KSR1: variants seen among roughly 807,000 people sequenced by gnomAD.
The protein encoded by KSR1 is kinase suppressor of ras 1.
Under a neutral mutation model 92.9 loss-of-function variants are expected in KSR1, and 35 were observed. That is an observed-to-expected ratio of 0.38 (90% CI 0.29 to 0.50). The LOEUF is 0.50. Ranked by LOEUF, KSR1 falls within the 20% of genes least tolerant of loss-of-function variation. The probability of loss-of-function intolerance (pLI) is 0.94; values close to 1 mark genes in which losing one functional copy is unlikely to be tolerated. For synonymous variants in KSR1, 467 were observed against 472.6 expected, an observed-to-expected ratio of 0.99 and a Z score of 0.15; for missense variants, 972 against 1,158.5, an observed-to-expected ratio of 0.84 and a Z score of 2.34.
chr17:27,607,813 T>C, intron 14 of KSR1, 101 bp from the exon 15 acceptor site: 1 of 840,994 alleles, frequency 1.2e-6, no homozygotes. Flanking sequence ...GAGAGAGTCC[T>C]TGCAGGCAGA....
At position 27,611,377 on chromosome 17, in the gene KSR1, G is replaced by A; in HGVS notation, c.2358-117G>A. The A allele has an allele frequency of 3.0e-6, 4 of 1,355,332 alleles. 1 individual carries two copies. The highest frequency in any genetic ancestry group is 4.2e-4 in the Middle Eastern group (2 of 4,740). 84.0% of individuals were successfully genotyped at this position (1,355,332 alleles called of 1,614,324 possible). On this transcript the variant is annotated intron_variant, in intron 17 of 20. Transcript: ENST00000644974. ...CTGTAGCATCCCCTGAAGCCAAGTG[G>A]GTGAGGAAGGCTGGAGAAGGGTCCT... is the stretch of plus-strand genomic sequence containing the variant.
At chr17:27,603,435 C>T (rs574922102) in intron 11 of KSR1, among the ~76,000 whole-genome samples, 74 of 152,378 alleles carry the variant, frequency 4.9e-4, no homozygotes, top group African/African-American at 1.7e-3. Context: ...TTGCAAGCAG[C>T]CCCTGCTTCC....
chr17:27,584,417 G>A (rs1057495905), intron 4 of KSR1, among the ~76,000 whole-genome samples: 35 of 152,278 alleles, frequency 2.3e-4, no homozygotes, highest in Middle Eastern at 3.4e-3. Flanking sequence ...AGGTGTCACC[G>A]ACCCTGCTGC....
intron 1 of KSR1, among the ~76,000 whole-genome samples, chr17:27,503,635 G>A (rs557364072): frequency 1.1e-4 from 16 of 152,306 alleles, no homozygotes; most frequent in Admixed American, 5.9e-4. Flanking sequence ...TACTGAGCAC[G>A]TGGAAGCATT....
intron 1 of KSR1, among the ~76,000 whole-genome samples, chr17:27,540,401 C>T (rs774865427): frequency 6.6e-6 from 1 of 152,346 alleles, no homozygotes; most frequent in African/African-American, 2.4e-5. Flanking sequence ...TGGCCGTTCT[C>T]ACCCCTGGCC....
rs974298202 is a variant in KSR1 at position 27,561,482 on chromosome 17, T to G, written c.372+10774T>G. Reference sequence around the variant, plus strand: ...CTGTCCTGGATGCTTACAGCTAGTGTGATGCACACGTCTGCAAATAACTAG... The same window carrying G: ...CTGTCCTGGATGCTTACAGCTAGTGGGATGCACACGTCTGCAAATAACTAG... On this transcript the variant is annotated intron_variant, in intron 2 of 20. Coordinates refer to ENST00000644974, the MANE Select transcript of KSR1 (RefSeq NM_001394583.1). Among the ~76,000 whole-genome samples, 6 of 152,308 alleles carry G rather than the reference T, an allele frequency of 3.9e-5. 1 individual carries two copies. The highest frequency in any genetic ancestry group is 3.3e-4 in the Admixed American group (5 of 15,300).
intron 1 of KSR1, among the ~76,000 whole-genome samples, chr17:27,461,110 C>T (rs751125918): frequency 2.6e-5 from 4 of 152,078 alleles, no homozygotes; most frequent in Admixed American, 6.6e-5. Context: ...TAGTCAGAGT[C>T]CCACTCTGTC....
chr17:27,593,650 C>T (rs920497720), intron 9 of KSR1, among the ~76,000 whole-genome samples: 1 of 152,238 alleles, frequency 6.6e-6, no homozygotes, highest in African/African-American at 2.4e-5. Flanking sequence ...TGGGCCTGCA[C>T]CTGTCCTCTC....
Position 27,590,887 on chromosome 17 carries a change from C to A in KSR1, c.1123C>A (p.His375Asn). The stretch of plus-strand genomic sequence containing the variant: ...CATGATATTTGGAGTGAAGTGCAAG[C>A]ATTGCAGGTGATGGGAAGAGGAGTG... ...KSMIFGVKCKHCRLKCHNKCT... is the reference protein window; with the variant it reads ...KSMIFGVKCKNCRLKCHNKCT... The change falls in exon 7 of 21, where the codon CAT (histidine) becomes AAT (asparagine). Residue 375 changes from histidine (H) to asparagine (N), a missense_variant. Physicochemically the swap from His to Asn is moderately conservative, Grantham distance 68 (BLOSUM62 1). This residue lies in a region of KSR1 where 611 missense variants were observed against 668.0 expected (regional missense o/e 0.91). Transcript: ENST00000644974. 6.2e-7 allele frequency: 1 copy of A among 1,610,418 alleles called. No individual in the cohort carries two copies. The highest frequency in any genetic ancestry group is 8.5e-7 in the Non-Finnish European group (1 of 1,178,454).
chr17:27,521,507 C>T (rs574925669), intron 1 of KSR1, among the ~76,000 whole-genome samples: 21 of 152,124 alleles, frequency 1.4e-4, no homozygotes, highest in African/African-American at 4.8e-4. Flanking sequence ...CAGTAGCTCA[C>T]TGGAGCCCTG....
chr17:27,484,481 C>T (rs1348937296), intron 1 of KSR1, among the ~76,000 whole-genome samples: 3 of 152,228 alleles, frequency 2.0e-5, no homozygotes, highest in African/African-American at 4.8e-5. Flanking sequence ...ATCTGCCTGC[C>T]TCGTGCTGGG....
chr17:27,592,566 C>T lies in KSR1; in HGVS notation c.1239C>T (p.Asn413=). 1.2e-6 allele frequency: 2 copies of T among 1,613,974 alleles called. No homozygotes were observed. The highest frequency in any genetic ancestry group is 2.7e-5 in the African/African-American group (2 of 75,044). ...RTESVPSDIN[N]PVDRAAEPHF... ...AATCTGTCCCCTCGGACATCAACAA[C>T]CCGGTGGACAGAGCAGCCGAACCCC... Residue 413 remains asparagine (N), a synonymous_variant, in exon 9 of 21, where the codon AAC becomes AAT. Transcript: ENST00000644974.
At chr17:27,586,901 C>G (rs953442773) in intron 5 of KSR1, among the ~76,000 whole-genome samples, 1 of 152,196 alleles carries the variant, frequency 6.6e-6, no homozygotes, top group African/African-American at 2.4e-5. Flanking sequence ...GAGACGAAAT[C>G]TCGCTCTATC....
chr17:27,471,910 T>G (rs1275487606), intron 1 of KSR1: 4 of 152,260 alleles, frequency 2.6e-5, no homozygotes, highest in Non-Finnish European at 2.9e-5. Flanking sequence ...TGTGTCTTGA[T>G]TTGCACGGAA....
chr17:27,613,228 G>C (rs1486457427), intron 18 of KSR1: 2 of 152,710 alleles, frequency 1.3e-5, no homozygotes, highest in Non-Finnish European at 2.9e-5. Flanking sequence ...TTCTGGGCCA[G>C]GGCCAGTTAA....
At chr17:27,599,584 T>G (rs2073473668) in intron 10 of KSR1, among the ~76,000 whole-genome samples, 1 of 152,162 alleles carries the variant, frequency 6.6e-6, no homozygotes, top group Non-Finnish European at 1.5e-5. Flanking sequence ...CAATTGTTCT[T>G]TATTTGTAGG....
intron 4 of KSR1, 68 bp downstream of exon 4, chr17:27,583,173 A>ATT: frequency 8.9e-7 from 1 of 1,121,044 alleles, no homozygotes. Context: ...AGATATATGG[A>ATT]AGGACCAATA....
At chr17:27,617,708 A>G (rs2074103336) in intron 19 of KSR1, 3 of 390,590 alleles carry the variant, frequency 7.7e-6, no homozygotes, top group Non-Finnish European at 1.5e-5. Flanking sequence ...TTGTATTTTT[A>G]GTAGAGACGG....
At position 27,597,357 on chromosome 17, in the gene KSR1, G is replaced by A. The variant is rs547942026; in HGVS notation, c.1389G>A (p.Pro463=). 44 of 1,613,470 alleles carry A rather than the reference G, an allele frequency of 2.7e-5. No homozygotes were observed. The Middle Eastern group carries it at 4.9e-4, about 18-fold the overall frequency. ...SSTPSSPAPF[P]TSSNPSSATT... ...CACCCTCCTCACCGGCGCCCTTCCC[G>A]ACATCATCCAACCCATCCAGCGCCA... Residue 463 remains proline (P), a synonymous_variant, in exon 10 of 21, where the codon CCG becomes CCA. Transcript: ENST00000644974.
Sources: gnomAD v4.1 joint callset for allele counts (sites outside exome capture counted in the v4.1 genomes callset) on GRCh38, gnomAD v4.1.1 for gene constraint, gnomAD v4.1.1 regional missense constraint, MANE v1.5 for transcripts, NCBI Gene and HGNC (gene_info 2026-07-23, HGNC 2026-07-21) for gene names.